Variants in PCDHGA4 observed in about 807,000 individuals in gnomAD.
The protein encoded by PCDHGA4 is protocadherin gamma-A4.
In PCDHGA4, 38 loss-of-function variants were observed where a neutral mutation model predicts 54.6. That is an observed-to-expected ratio of 0.70 (90% confidence interval 0.54 to 0.91). The LOEUF is 0.91. Among genes scored for constraint, PCDHGA4 ranks in the 40% least tolerant of loss-of-function variants. The probability of loss-of-function intolerance (pLI) is 0.00; values close to 1 mark genes in which losing one functional copy is unlikely to be tolerated. For synonymous variants in PCDHGA4, 511 were observed against 512.9 expected (o/e 1.00, Z 0.05); for missense variants, 1,298 against 1,220.9 (o/e 1.06, Z -0.94).
intron 1 of PCDHGA4, chr5:141,382,959 G>T: frequency 6.2e-7 from 1 of 1,607,442 alleles, no homozygotes; most frequent in Non-Finnish European, 8.5e-7. Flanking sequence ...CCATCCTCCT[G>T]GGGACCCCCT....
chr5:141,492,548 C>T (rs1028674110), intron 1 of PCDHGA4, among the ~76,000 whole-genome samples: 5 of 152,218 alleles, frequency 3.3e-5, no homozygotes, highest in African/African-American at 9.6e-5. Flanking sequence ...TGGGCCGGGT[C>T]GCCTGGGGGG....
chr5:141,366,557 G>A (rs376762797), intron 1 of PCDHGA4: 1 of 1,614,150 alleles, frequency 6.2e-7, no homozygotes, highest in African/African-American at 1.3e-5. Flanking sequence ...CTTTGTGGGC[G>A]TGGATGGGGT....
At chr5:141,437,896 C>T (rs943440712) in intron 1 of PCDHGA4, among the ~76,000 whole-genome samples, 2 of 152,128 alleles carry the variant, frequency 1.3e-5, no homozygotes, top group African/African-American at 4.8e-5. Flanking sequence ...CGCCACCACA[C>T]CCAGCTAATT....
intron 1 of PCDHGA4, chr5:141,390,367 T>C (rs2092130153): frequency 6.6e-7 from 1 of 1,518,766 alleles, no homozygotes; most frequent in African/African-American, 1.4e-5. Flanking sequence ...TGCAGGAAAA[T>C]ATATAATTTT....
chr5:141,487,802 C>G lies in PCDHGA4; in HGVS notation c.2515-7005C>G. On this transcript the variant is annotated intron_variant, in intron 1 of 3. Transcript: ENST00000571252. The surrounding 1 kb of genome is among the most constrained non-coding windows in gnomAD (Gnocchi z 5.0). ...TTTCGTGAATTAACCAGAGTTGTCACAGTTTAGCATTGGGGGCGGGTCATG... is the reference window on the plus strand; with the variant it reads ...TTTCGTGAATTAACCAGAGTTGTCAGAGTTTAGCATTGGGGGCGGGTCATG... 6.8e-7 allele frequency: 1 copy of G among 1,477,424 alleles called. No homozygotes were observed. The allele number at this position is 1,477,424 out of a possible 1,614,324, so 91.5% of individuals were successfully genotyped here.
At chr5:141,495,014 G>A (rs561045298) in intron 2 of PCDHGA4, 149 bp downstream of exon 2, 13 of 1,510,430 alleles carry the variant, frequency 8.6e-6, no homozygotes, top group South Asian at 7.5e-5. Flanking sequence ...GCGGGGGGCT[G>A]GCACACAGAC....
At chr5:141,419,741 A>G (rs769795920) in intron 1 of PCDHGA4, 1 of 1,613,856 alleles carries the variant, frequency 6.2e-7, no homozygotes. Context: ...CGAGGTGCGC[A>G]TGGTGCGTGC....
At chr5:141,423,557 G>C in intron 1 of PCDHGA4, 2 of 1,613,654 alleles carry the variant, frequency 1.2e-6, no homozygotes, top group Non-Finnish European at 1.7e-6. Context: ...CCCAACTATG[G>C]GGACACGCTC....
At chr5:141,409,893 A>G in intron 1 of PCDHGA4, 2 of 1,613,138 alleles carry the variant, frequency 1.2e-6, no homozygotes, top group Middle Eastern at 3.3e-4. Flanking sequence ...CGGGTGCTGT[A>G]CCCAGCTCTG....
intron 2 of PCDHGA4, among the ~76,000 whole-genome samples, chr5:141,500,469 A>G (rs917974103): frequency 1.3e-5 from 2 of 152,052 alleles, no homozygotes; most frequent in East Asian, 1.9e-4. Context: ...TCGGCCTCCC[A>G]AAGTGCTGGG....
At chr5:141,381,826 CTTTTTTTTTT>C (rs770630741) in intron 1 of PCDHGA4, among the ~76,000 whole-genome samples, 5 of 74,284 alleles carry the variant, frequency 6.7e-5, no homozygotes, top group South Asian at 5.1e-4. Context: ...CTTTCTTCTT[CTTTTTTTTTT>C]TTTTTTTTTT....
intron 1 of PCDHGA4, among the ~76,000 whole-genome samples, chr5:141,451,826 A>G (rs2098725686): frequency 6.6e-6 from 1 of 151,720 alleles, no homozygotes; most frequent in Non-Finnish European, 1.5e-5. Context: ...GGTTACAGTG[A>G]GCCGAGATCA....
At chr5:141,371,615 T>C (rs754452070) in intron 1 of PCDHGA4, 3 of 1,613,964 alleles carry the variant, frequency 1.9e-6, no homozygotes, top group Middle Eastern at 3.3e-4. Flanking sequence ...TGGTGACAGA[T>C]GGAGCCCTGG....
intron 1 of PCDHGA4, chr5:141,374,825 C>T: frequency 1.2e-6 from 2 of 1,613,896 alleles, no homozygotes; most frequent in Non-Finnish European, 1.7e-6. Context: ...GCCTGTCTAC[C>T]GTGTAAGTGT....
At chr5:141,374,003 C>A in intron 1 of PCDHGA4, 1 of 1,320,442 alleles carries the variant, frequency 7.6e-7, no homozygotes. Context: ...GGACCTTCAC[C>A]GCTATTTCTG....
chr5:141,355,112 A>G lies in PCDHGA4; in HGVS notation c.5A>G (p.His2Arg). 1 of 1,510,090 alleles carries G rather than the reference A, an allele frequency of 6.6e-7. No individual in the cohort carries two copies. Among genetic ancestry groups the G allele is most frequent in the Non-Finnish European group, 8.8e-7 (1 of 1,131,728 alleles). The allele number at this position is 1,510,090 out of a possible 1,614,324, so 93.5% of individuals were successfully genotyped here. A position where few individuals can be genotyped will look rare whatever the true frequency, so the allele number is the denominator to read the frequency against. MHFILDPEDPGA... is the reference protein window; with the variant it reads MRFILDPEDPGA... ...CCCTGAGAGCTCTGGCTGTGAATGCACTTTATTTTGGACCCAGAAGATCCT... is the reference window on the plus strand; with the variant it reads ...CCCTGAGAGCTCTGGCTGTGAATGCGCTTTATTTTGGACCCAGAAGATCCT... Residue 2 changes from histidine to arginine, a missense_variant, in exon 1 of 4, where the codon CAC (histidine) becomes CGC (arginine). His to Arg is a conservative substitution (Grantham distance 29). Transcript: ENST00000571252.
chr5:141,497,323 G>A lies in PCDHGA4; in HGVS notation c.2573+2458G>A, dbSNP rs373068300. Reference sequence around the variant, plus strand: ...CAGGCCATACACTGGCTTTGAAGCAGAATTCACCATTGAACCTGGAAGCCC... The same window carrying A: ...CAGGCCATACACTGGCTTTGAAGCAAAATTCACCATTGAACCTGGAAGCCC... On this transcript the variant is annotated intron_variant, in intron 2 of 3. Transcript: ENST00000571252. 1.2e-4 allele frequency among the ~76,000 whole-genome samples: 19 copies of A among 152,204 alleles called. No homozygotes were observed. In the East Asian group the frequency reaches 3.5e-3, roughly 28 times the overall value.
At chr5:141,375,535 C>A (rs548065153) in intron 1 of PCDHGA4, 105 of 1,613,900 alleles carry the variant, frequency 6.5e-5, no homozygotes, top group Non-Finnish European at 8.3e-5. Context: ...TGGACCAGAA[C>A]GCCCAAGTCT....
At chr5:141,398,529 G>A (rs375949491) in intron 1 of PCDHGA4, 2 of 1,613,544 alleles carry the variant, frequency 1.2e-6, no homozygotes, top group South Asian at 1.1e-5. Flanking sequence ...CAAAATTCAC[G>A]CAAAATTCCT....
Sources: gnomAD v4.1 joint callset for allele counts (sites outside exome capture counted in the v4.1 genomes callset) on GRCh38, gnomAD v4.1.1 for gene constraint, Gnocchi (gnomAD v3.1) non-coding constraint, MANE v1.5 for transcripts, NCBI Gene and HGNC (gene_info 2026-07-23, HGNC 2026-07-21) for gene names.